DHX57: variants seen among roughly 807,000 people sequenced by gnomAD.
DHX57 encodes the protein DExH-box helicase 57.
DHX57 carries 105 observed loss-of-function variants against 156.2 expected under a neutral mutation model. The ratio of observed to expected loss-of-function variants is 0.67; its 90% CI spans 0.57 to 0.79. The LOEUF (loss-of-function observed/expected upper bound fraction) is 0.79, where lower values mean the gene tolerates loss of function less well. Ranked by LOEUF, DHX57 falls within the 30% of genes least tolerant of loss-of-function variation. DHX57 has a pLI of 0.00. For missense variants in DHX57, 1,847 were observed against 1,661.9 expected (o/e 1.11, Z -1.94); for synonymous variants, 704 against 595.6 (o/e 1.18, Z -2.65).
chr2:38,863,802 C>G (rs1184682509), intron 2 of DHX57, among the ~76,000 whole-genome samples: 1 of 152,142 alleles, frequency 6.6e-6, no homozygotes, highest in Non-Finnish European at 1.5e-5. Flanking sequence ...CACCTGAGGT[C>G]AGGAGTTTCA....
chr2:38,839,515 C>T (rs1671865431), intron 12 of DHX57, among the ~76,000 whole-genome samples: 1 of 149,670 alleles, frequency 6.7e-6, no homozygotes, highest in African/African-American at 2.5e-5. Context: ...AGTTTGAGAC[C>T]AGCCTGACCA....
chr2:38,828,490 C>A, intron 13 of DHX57, 54 bp from the exon 14 acceptor site: 5 of 1,313,140 alleles, frequency 3.8e-6, no homozygotes, highest in South Asian at 2.8e-5. Flanking sequence ...AGAAAAGAAA[C>A]AAGAAAAATT....
At chr2:38,874,480 G>A (rs1313175889) in intron 1 of DHX57, among the ~76,000 whole-genome samples, 9 of 138,472 alleles carry the variant, frequency 6.5e-5, no homozygotes, top group Middle Eastern at 4.2e-3. Flanking sequence ...CGCAGTCTCA[G>A]CTCACTGCAA....
intron 4 of DHX57, 134 bp downstream of exon 4, chr2:38,862,011 G>C: frequency 1.6e-6 from 2 of 1,239,138 alleles, no homozygotes; most frequent in East Asian, 2.5e-5. Context: ...CTTCTGATAA[G>C]ATAGAATATT....
intron 21 of DHX57, chr2:38,811,240 C>T (rs1004701428): frequency 6.0e-6 from 3 of 503,746 alleles, no homozygotes; most frequent in Non-Finnish European, 1.2e-5. Flanking sequence ...CAGGGATCCT[C>T]CCGGGAGCAA....
chr2:38,863,021 G>A (rs1673315173), intron 3 of DHX57: 2 of 190,062 alleles, frequency 1.1e-5, no homozygotes, highest in Admixed American at 5.6e-5. Flanking sequence ...TCCTAAGACT[G>A]CACCTGACCG....
chr2:38,833,922 A>G (rs866207208), intron 13 of DHX57, among the ~76,000 whole-genome samples: 45 of 152,372 alleles, frequency 3.0e-4, no homozygotes, highest in African/African-American at 1.1e-3. Context: ...ATATCATAAA[A>G]TACACACAAA....
chr2:38,848,682 G>C lies in DHX57; in HGVS notation c.2031-280C>G, dbSNP rs149952409. Among the ~76,000 whole-genome samples, 423 of 152,168 alleles carry C rather than the reference G, an allele frequency of 2.8e-3. 3 individuals are homozygous for C. Among genetic ancestry groups the C allele is most frequent in the Middle Eastern group, 0.01 (3 of 294 alleles). On this transcript the variant is annotated intron_variant, in intron 9 of 23. Transcript: ENST00000457308. ...TACATAATGAGATATCTGGGGGATG[G>C]GGTCTAAATCTAAACAAGAAATCAA...
intron 7 of DHX57, among the ~76,000 whole-genome samples, chr2:38,855,586 C>A (rs1448644857): frequency 6.6e-6 from 1 of 152,058 alleles, no homozygotes; most frequent in African/African-American, 2.4e-5. Flanking sequence ...TTATGATTAT[C>A]AAAATATTTT....
In DHX57 at chr2:38,860,015, C is replaced by T. The variant is rs747756704; in HGVS notation, c.1411+984G>A. ...TATATATTTTCTAGAGATGGGGTCT[C>T]ATTATGCTGCCCAGGCTGGTCTCAA... On this transcript the variant is annotated intron_variant, in intron 5 of 23. Coordinates refer to ENST00000457308, the MANE Select transcript of DHX57 (RefSeq NM_198963.3). 1.9e-4 allele frequency among the ~76,000 whole-genome samples: 29 copies of T among 152,126 alleles called. No homozygotes were observed. The Middle Eastern group carries it at 0.02, about 107-fold the overall frequency.
intron 13 of DHX57, among the ~76,000 whole-genome samples, chr2:38,829,776 A>T (rs3099986): frequency 0.92 from 139,567 of 152,182 alleles, 65,283 homozygotes; most frequent in East Asian, 1. Flanking sequence ...ACAGGAAGAC[A>T]ATTTTATTAA....
chr2:38,875,050 C>G (rs975277792), intron 1 of DHX57, among the ~76,000 whole-genome samples: 2 of 152,150 alleles, frequency 1.3e-5, no homozygotes, highest in Non-Finnish European at 2.9e-5. Flanking sequence ...TTGTCTCACA[C>G]CAACCCAGAA....
chr2:38,871,216 T>C (rs3099942), intron 1 of DHX57, among the ~76,000 whole-genome samples: 34,669 of 152,158 alleles, frequency 0.23, 4,656 homozygotes, highest in Admixed American at 0.29. Context: ...TCTGAAATGA[T>C]TTAAAAAGCA....
Position 38,801,464 on chromosome 2 carries a change from C to T in DHX57, c.4017+1251G>A, listed in dbSNP as rs141817708. 4.7e-3 allele frequency among the ~76,000 whole-genome samples: 712 copies of T among 152,314 alleles called. 8 individuals are homozygous for T. Among genetic ancestry groups the T allele is most frequent in the African/African-American group, 0.016 (676 of 41,566 alleles). ...TCATTCTGTCACCCAGGCTGAAGTGCAGTGGTGCAATCTCGGCTCACTGCA... is the reference window on the plus strand; with the variant it reads ...TCATTCTGTCACCCAGGCTGAAGTGTAGTGGTGCAATCTCGGCTCACTGCA... On this transcript the variant is annotated intron_variant, in intron 23 of 23. Coordinates refer to ENST00000457308, the MANE Select transcript of DHX57 (RefSeq NM_198963.3).
intron 10 of DHX57, 105 bp downstream of exon 10, chr2:38,848,164 T>G (rs1156338942): frequency 8.6e-7 from 1 of 1,166,582 alleles, no homozygotes; most frequent in Admixed American, 2.7e-5. Context: ...TATAAATGAA[T>G]CGCTTCTCTA....
In DHX57 at chr2:38,825,933, T is replaced by C. The variant is rs146387333; in HGVS notation, c.2928A>G (p.Leu976=). 801 of 1,614,082 alleles carry C rather than the reference T, an allele frequency of 5.0e-4. No homozygotes were observed. Among genetic ancestry groups the C allele is most frequent in the Non-Finnish European group, 6.3e-4 (738 of 1,180,042 alleles). The stretch of plus-strand genomic sequence containing the variant: ...GGTGATTGTAGTGATGGCTAGTGAA[T>C]AAATGGAAGCAGACCCCAGATGCAA... ...GRVASGVCFH[L]FTSHHYNHQL... Residue 976 remains leucine, a synonymous_variant, in exon 16 of 24, where the codon TTA becomes TTG. Transcript: ENST00000457308.
intron 9 of DHX57, among the ~76,000 whole-genome samples, chr2:38,848,939 T>G (rs1287489987): frequency 6.6e-6 from 1 of 152,188 alleles, no homozygotes; most frequent in Non-Finnish European, 1.5e-5. Context: ...AGATATAAAT[T>G]CTTTCCCAAA....
chr2:38,847,303 T>G (rs566675460), intron 10 of DHX57, among the ~76,000 whole-genome samples: 2 of 152,244 alleles, frequency 1.3e-5, no homozygotes, highest in South Asian at 2.1e-4. Flanking sequence ...TTGCTAAGAC[T>G]TTTTTTCTTT....
intron 3 of DHX57, 89 bp from the exon 4 acceptor site, chr2:38,862,422 AG>A: frequency 7.8e-7 from 1 of 1,284,634 alleles, no homozygotes. Flanking sequence ...TTTAATTCAT[AG>A]GATCCTGACT....
Sources: allele counts gnomAD v4.1 joint callset (sites outside exome capture counted in the v4.1 genomes callset), GRCh38; gene constraint gnomAD v4.1.1; transcripts MANE v1.5; gene names NCBI Gene and HGNC (gene_info 2026-07-23, HGNC 2026-07-21).